PARD6G: variants seen among roughly 807,000 people sequenced by gnomAD.
PARD6G encodes the protein partitioning defective 6 homolog gamma.
Under a neutral mutation model 10.7 loss-of-function variants are expected in PARD6G, and 7 were observed. That is an observed-to-expected ratio of 0.66 (90% confidence interval 0.37 to 1.23). The LOEUF (loss-of-function observed/expected upper bound fraction) is 1.23, where lower values mean the gene tolerates loss of function less well. Ranked by LOEUF, PARD6G falls within the 50% of genes most tolerant of loss-of-function variation. The probability of loss-of-function intolerance (pLI) is 0.02; values close to 1 mark genes in which losing one functional copy is unlikely to be tolerated. For missense variants in PARD6G, 548 were observed against 571.8 expected, an observed-to-expected ratio of 0.96 and a Z score of 0.42; for synonymous variants, 287 against 269.4, an observed-to-expected ratio of 1.07 and a Z score of -0.64.
chr18:80,169,043 G>C (rs2052756579), intron 2 of PARD6G: 1 of 169,296 alleles, frequency 5.9e-6, no homozygotes. Flanking sequence ...CTCTCGGATG[G>C]AGCCTGTCCA....
chr18:80,230,854 C>T (rs1316541956), intron 1 of PARD6G, among the ~76,000 whole-genome samples: 1 of 152,192 alleles, frequency 6.6e-6, no homozygotes, highest in Non-Finnish European at 1.5e-5. Flanking sequence ...TGCATGCTCT[C>T]TGTAATCCTG....
At chr18:80,220,000 T>G (rs934840134) in intron 1 of PARD6G, among the ~76,000 whole-genome samples, 2 of 152,142 alleles carry the variant, frequency 1.3e-5, no homozygotes, top group African/African-American at 4.8e-5. Context: ...TGGTACCAAT[T>G]TACTGTATTA....
rs1967004634 is a variant in PARD6G at position 80,201,256 on chromosome 18, C to T, written c.295+1454G>A. ...CCTTCCTGAGAAGGCAGCCTGTGAA[C>T]AGATACAGACACCCAGGCAATGTGA... On this transcript the variant is annotated intron_variant, in intron 2 of 2. Transcript: ENST00000353265. The surrounding 1 kb of genome is among the most constrained non-coding windows in gnomAD (Gnocchi z 5.9). Among the ~76,000 whole-genome samples the T allele has an allele frequency of 6.6e-6, 1 of 152,208 alleles. No homozygotes were observed. Among genetic ancestry groups the T allele is most frequent in the African/African-American group, 2.4e-5 (1 of 41,546 alleles).
chr18:80,227,337 T>C (rs988959531), intron 1 of PARD6G, among the ~76,000 whole-genome samples: 4 of 152,180 alleles, frequency 2.6e-5, no homozygotes, highest in African/African-American at 9.7e-5. Flanking sequence ...AGGACAAGGT[T>C]TGAGCACAAA....
chr18:80,227,341 G>C (rs913391451), intron 1 of PARD6G, among the ~76,000 whole-genome samples: 1 of 152,164 alleles, frequency 6.6e-6, no homozygotes, highest in African/African-American at 2.4e-5. Context: ...CAAGGTTTGA[G>C]CACAAAGTCA....
rs1967007038 is a variant in PARD6G at position 80,201,559 on chromosome 18, G to A, written c.295+1151C>T. ...ACCGTCAGCAGGATACCCAGGCCCA[G>A]TGAGAACTGCAGATGCAGAGTGTTC... On this transcript the variant is annotated intron_variant, in intron 2 of 2. Coordinates refer to ENST00000353265, the MANE Select transcript of PARD6G (RefSeq NM_032510.4). This position sits in a 1 kb window ranked among gnomAD's most constrained non-coding sequence, Gnocchi z 5.9. Among the ~76,000 whole-genome samples the A allele has an allele frequency of 2.0e-5, 3 of 152,236 alleles. No homozygotes were observed. The highest frequency in any genetic ancestry group is 1.3e-4 in the Admixed American group (2 of 15,292).
rs1966906429 is a variant in PARD6G, at chr18:80,192,447, G to A, written c.295+10263C>T. On this transcript the variant is annotated intron_variant, in intron 2 of 2. Coordinates refer to ENST00000353265, the MANE Select transcript of PARD6G (RefSeq NM_032510.4). This position sits in a 1 kb window ranked among gnomAD's most constrained non-coding sequence, Gnocchi z 4.9. ...GCCCAGGGGACGGGGGAGAGCAGGT[G>A]CCACGGCGGGAGCCCAGGGGACGGG... Among the ~76,000 whole-genome samples the A allele has an allele frequency of 6.6e-6, 1 of 151,690 alleles. No individual in the cohort carries two copies. The highest frequency in any genetic ancestry group is 2.4e-5 in the African/African-American group (1 of 41,228).
chr18:80,194,917 A>G (rs1435304476), intron 2 of PARD6G, among the ~76,000 whole-genome samples: 1 of 152,112 alleles, frequency 6.6e-6, no homozygotes, highest in Non-Finnish European at 1.5e-5. Flanking sequence ...GACTAGAGAC[A>G]ACCCTCCTGG....
chr18:80,180,055 C>G lies in PARD6G; in HGVS notation c.296-19449G>C, dbSNP rs2052840180. ...CCCATTGTGCCTCAGAACGAAAGTT[C>G]AGTGGTCTGCAGAGAGGAGAGGAAA... On this transcript the variant is annotated intron_variant, in intron 2 of 2. Transcript: ENST00000353265. The surrounding 1 kb of genome is among the most constrained non-coding windows in gnomAD (Gnocchi z 5.6). Among the ~76,000 whole-genome samples the G allele has an allele frequency of 6.6e-6, 1 of 152,188 alleles. No individual in the cohort carries two copies. Among genetic ancestry groups the G allele is most frequent in the South Asian group, 2.1e-4 (1 of 4,834 alleles).
intron 1 of PARD6G, among the ~76,000 whole-genome samples, chr18:80,233,126 C>A (rs1270129947): frequency 6.6e-6 from 1 of 152,210 alleles, no homozygotes; most frequent in African/African-American, 2.4e-5. Flanking sequence ...CCATTTATTT[C>A]AATTGCATCT....
intron 1 of PARD6G, among the ~76,000 whole-genome samples, chr18:80,219,224 G>GTTTGTTTT (rs1440100316): frequency 8.5e-5 from 13 of 152,088 alleles, no homozygotes; most frequent in African/African-American, 3.1e-4. Flanking sequence ...TTGTTTGTTT[G>GTTTGTTTT]TTTGAGATGA....
intron 1 of PARD6G, among the ~76,000 whole-genome samples, chr18:80,210,113 G>C (rs574206533): frequency 6.6e-6 from 1 of 152,268 alleles, no homozygotes; most frequent in Non-Finnish European, 1.5e-5. Context: ...TGGTCAATAA[G>C]CAAGGAGACA....
intron 1 of PARD6G, among the ~76,000 whole-genome samples, chr18:80,204,606 TAAA>T (rs777099969): frequency 7.3e-6 from 1 of 137,202 alleles, no homozygotes; most frequent in African/African-American, 2.7e-5. Flanking sequence ...CCTCAGCAAT[TAAA>T]AAAAAAAAAA....
intron 2 of PARD6G, among the ~76,000 whole-genome samples, chr18:80,185,241 G>A (rs2052867856): frequency 6.6e-6 from 1 of 152,090 alleles, no homozygotes; most frequent in Non-Finnish European, 1.5e-5. Context: ...TCGCTGGGAG[G>A]AGTGGGTCAT....
Position 80,247,398 on chromosome 18 carries a change from C to G in PARD6G, c.-50G>C, listed in dbSNP as rs753969770. On this transcript the variant is annotated 5_prime_UTR_variant, in exon 1 of 3. Transcript: ENST00000353265. This position sits in a 1 kb window ranked among gnomAD's most constrained non-coding sequence, Gnocchi z 4.2. ...CGTCGCCCTCGCTCCTCAGGGGCCG[C>G]AGAAAGACTCCCGGGGGCGGCGCCC... is the stretch of plus-strand genomic sequence containing the variant. 6.8e-7 allele frequency: 1 copy of G among 1,463,552 alleles called. No individual in the cohort carries two copies. The highest frequency in any genetic ancestry group is 1.5e-5 in the African/African-American group (1 of 68,702). 90.7% of individuals were successfully genotyped at this position (1,463,552 alleles called of 1,614,324 possible). A position where few individuals can be genotyped will look rare whatever the true frequency, so the allele number is the denominator to read the frequency against.
Position 80,240,212 on chromosome 18 carries a change from A to G in PARD6G, c.72+7065T>C, listed in dbSNP as rs1009925711. Among the ~76,000 whole-genome samples, 3 of 152,220 alleles carry G rather than the reference A, an allele frequency of 2.0e-5. No homozygotes were observed. In the East Asian group the frequency reaches 5.8e-4, roughly 29 times the overall value. On this transcript the variant is annotated intron_variant, in intron 1 of 2. Transcript: ENST00000353265. Reference sequence around the variant, plus strand: ...GTTTTGATGGTCAAATATCTAAGCTATAACATTCTCCCTGTTCCCACAAAT... The same window carrying G: ...GTTTTGATGGTCAAATATCTAAGCTGTAACATTCTCCCTGTTCCCACAAAT...
intron 2 of PARD6G, among the ~76,000 whole-genome samples, chr18:80,173,818 C>G (rs2052792413): frequency 1.3e-5 from 2 of 152,240 alleles, no homozygotes; most frequent in African/African-American, 4.8e-5. Context: ...GGAGGTGGCT[C>G]TGGAGCTGCT....
rs1189055176 is a variant in PARD6G at position 80,161,541 on chromosome 18, CTGAA to C, written c.296-939_296-936del. On this transcript the variant is annotated intron_variant, in intron 2 of 2. Coordinates refer to ENST00000353265, the MANE Select transcript of PARD6G (RefSeq NM_032510.4). The surrounding 1 kb of genome is among the most constrained non-coding windows in gnomAD (Gnocchi z 4.6). ...AAGAGACTGGTGGCATTTGGAAACT[CTGAA>C]TAATGCATTTTCCTCATGTCAGAAA... 6.6e-6 allele frequency among the ~76,000 whole-genome samples: 1 copy of C among 152,066 alleles called. No individual in the cohort carries two copies. Among genetic ancestry groups the C allele is most frequent in the Non-Finnish European group, 1.5e-5 (1 of 68,022 alleles).
intron 2 of PARD6G, among the ~76,000 whole-genome samples, chr18:80,198,332 A>T (rs1966976752): frequency 6.6e-6 from 1 of 152,212 alleles, no homozygotes; most frequent in African/African-American, 2.4e-5. Context: ...AGCACAGGGG[A>T]TTATAGAGGA....
Sources: allele counts gnomAD v4.1 joint callset (sites outside exome capture counted in the v4.1 genomes callset), GRCh38; gene constraint gnomAD v4.1.1; non-coding constraint Gnocchi (gnomAD v3.1); transcripts MANE v1.5; gene names NCBI Gene and HGNC (gene_info 2026-07-23, HGNC 2026-07-21).